Variants in ERC1 observed in about 807,000 individuals in gnomAD.
ERC1 encodes the protein ELKS/RAB6-interacting/CAST family member 1.
ERC1 carries 56 observed loss-of-function variants against 132.0 expected under a neutral mutation model. The ratio of observed to expected loss-of-function variants is 0.42; its 90% CI spans 0.34 to 0.53. The LOEUF (loss-of-function observed/expected upper bound fraction) is 0.53. Among genes scored for constraint, ERC1 ranks in the 20% least tolerant of loss-of-function variants. ERC1 has a pLI of 0.03. For synonymous variants in ERC1, 478 were observed against 476.1 expected (o/e 1.00, Z -0.05); for missense variants, 1,202 against 1,349.9 (o/e 0.89, Z 1.72).
intron 18 of ERC1, among the ~76,000 whole-genome samples, chr12:1,467,839 G>A (rs756415540): frequency 6.6e-6 from 1 of 152,204 alleles, no homozygotes; most frequent in East Asian, 1.9e-4. Flanking sequence ...GGAGCACGCG[G>A]CCTAGATCCC....
chr12:1,376,620 A>G (rs1591623154), intron 16 of ERC1, among the ~76,000 whole-genome samples: 1 of 152,222 alleles, frequency 6.6e-6, no homozygotes, highest in East Asian at 1.9e-4. Flanking sequence ...CTGTGGCTAA[A>G]TTTCCATGAA....
chr12:1,405,681 T>C (rs1030580704), intron 16 of ERC1, among the ~76,000 whole-genome samples: 43 of 152,090 alleles, frequency 2.8e-4, no homozygotes, highest in Non-Finnish European at 4.7e-4. Flanking sequence ...CCAGTCTGGG[T>C]GACAGAGCAA....
chr12:1,115,163 A>G (rs1946314818), intron 6 of ERC1, among the ~76,000 whole-genome samples: 1 of 152,178 alleles, frequency 6.6e-6, no homozygotes, highest in Non-Finnish European at 1.5e-5. Context: ...CATGGCTTCC[A>G]TTTAGGGTAA....
chr12:1,005,061 G>A (rs887438885), intron 1 of ERC1, among the ~76,000 whole-genome samples: 3 of 152,110 alleles, frequency 2.0e-5, no homozygotes, highest in African/African-American at 7.2e-5. Context: ...TACCTTCATG[G>A]TAGTATTCAC....
intron 13 of ERC1, among the ~76,000 whole-genome samples, chr12:1,247,910 C>T (rs962295423): frequency 1.1e-4 from 17 of 152,104 alleles, no homozygotes; most frequent in Non-Finnish European, 2.4e-4. Context: ...GCAGGAGAAT[C>T]GCTTGAACCT....
intron 8 of ERC1, among the ~76,000 whole-genome samples, chr12:1,156,216 T>C (rs1037637038): frequency 1.3e-4 from 20 of 152,160 alleles, no homozygotes; most frequent in Non-Finnish European, 2.4e-4. Flanking sequence ...TAGATGAAGA[T>C]AGGGGTTTTT....
intron 3 of ERC1, among the ~76,000 whole-genome samples, chr12:1,084,788 C>T (rs1012211721): frequency 7.9e-5 from 12 of 151,900 alleles, no homozygotes; most frequent in Non-Finnish European, 1.6e-4. Flanking sequence ...AAATCCTGGG[C>T]TTAGGTGAGC....
chr12:1,395,934 TA>T (rs34938767), intron 16 of ERC1, among the ~76,000 whole-genome samples: 63 of 148,548 alleles, frequency 4.2e-4, no homozygotes, highest in Admixed American at 3.3e-4. Context: ...CATGGAGTCT[TA>T]AAAAAAAAAA....
At chr12:1,006,018 C>T (rs1025659384) in intron 1 of ERC1, among the ~76,000 whole-genome samples, 7 of 150,488 alleles carry the variant, frequency 4.7e-5, no homozygotes, top group African/African-American at 1.7e-4. Context: ...AGTGCAGTGG[C>T]ATGATCTTGG....
chr12:1,362,119 A>G (rs1217703876), intron 15 of ERC1, among the ~76,000 whole-genome samples: 1 of 152,200 alleles, frequency 6.6e-6, no homozygotes, highest in African/African-American at 2.4e-5. Flanking sequence ...TCCTATAAAT[A>G]TCTCATTCTT....
At chr12:1,218,450 T>C (rs1344499603) in intron 12 of ERC1, among the ~76,000 whole-genome samples, 1 of 152,148 alleles carries the variant, frequency 6.6e-6, no homozygotes, top group Non-Finnish European at 1.5e-5. Flanking sequence ...GCCACCCTGT[T>C]TCTCTCTTCC....
intron 1 of ERC1, among the ~76,000 whole-genome samples, chr12:1,013,761 T>G (rs937444157): frequency 1.3e-5 from 2 of 152,196 alleles, no homozygotes; most frequent in African/African-American, 2.4e-5. Context: ...TCTGTCTGTC[T>G]TCCTTTGTCA....
At chr12:1,235,762 G>T (rs967394206) in intron 12 of ERC1, among the ~76,000 whole-genome samples, 1 of 152,018 alleles carries the variant, frequency 6.6e-6, no homozygotes, top group African/African-American at 2.4e-5. Context: ...TAGCTTCTTG[G>T]AAAATAAAAT....
chr12:1,211,621 G>A (rs7968690), intron 12 of ERC1, among the ~76,000 whole-genome samples: 53,879 of 151,800 alleles, frequency 0.35, 10,666 homozygotes, highest in African/African-American at 0.53. Context: ...GTGCAATGGC[G>A]CAATCTTGGC....
intron 17 of ERC1, among the ~76,000 whole-genome samples, chr12:1,436,976 A>G (rs1052092028): frequency 5.3e-5 from 8 of 151,438 alleles, no homozygotes; most frequent in African/African-American, 2.0e-4. Context: ...ATTCAGATAT[A>G]TATATATATA....
chr12:1,210,367 C>T (rs956734116), intron 12 of ERC1, among the ~76,000 whole-genome samples: 5 of 152,142 alleles, frequency 3.3e-5, no homozygotes, highest in African/African-American at 9.7e-5. Context: ...GTCTTTAAGA[C>T]GGTCTTTTTA....
intron 1 of ERC1, among the ~76,000 whole-genome samples, chr12:1,011,152 A>C (rs1006125390): frequency 6.6e-6 from 1 of 152,192 alleles, no homozygotes; most frequent in Admixed American, 6.5e-5. Flanking sequence ...TCACCCTGGA[A>C]TTACAGTGGC....
At chr12:1,121,213 A>G (rs1292888240) in intron 7 of ERC1, among the ~76,000 whole-genome samples, 1 of 152,256 alleles carries the variant, frequency 6.6e-6, no homozygotes, top group Non-Finnish European at 1.5e-5. Context: ...CGATCGATTC[A>G]AACCCGCAAA....
intron 2 of ERC1, among the ~76,000 whole-genome samples, chr12:1,071,035 T>C (rs991349413): frequency 6.6e-6 from 1 of 152,368 alleles, no homozygotes; most frequent in South Asian, 2.1e-4. Flanking sequence ...TCCATAGTTA[T>C]CCTTTTATAT....
Sources: gnomAD v4.1 joint callset for allele counts (sites outside exome capture counted in the v4.1 genomes callset) on GRCh38, gnomAD v4.1.1 for gene constraint, MANE v1.5 for transcripts, NCBI Gene and HGNC (gene_info 2026-07-23, HGNC 2026-07-21) for gene names.